LINGO2: variants seen among roughly 807,000 people sequenced by gnomAD.
The protein encoded by LINGO2 is leucine-rich repeat and immunoglobulin-like domain-containing nogo receptor-interacting protein 2.
Under a neutral mutation model 30.6 loss-of-function variants are expected in LINGO2, and 14 were observed. The observed-to-expected ratio is 0.46, with a 90% CI of 0.30 to 0.72. The LOEUF (loss-of-function observed/expected upper bound fraction) is 0.72. LINGO2 is among the 30% of genes least tolerant of loss of function. The probability of loss-of-function intolerance (pLI) is 0.07; values close to 1 mark genes in which losing one functional copy is unlikely to be tolerated. For missense variants in LINGO2, 729 were observed against 751.7 expected (o/e 0.97, Z 0.35); for synonymous variants, 317 against 288.5 (o/e 1.10, Z -1.00).
intron 4 of LINGO2, among the ~76,000 whole-genome samples, chr9:28,290,487 C>T (rs1823682943): frequency 6.6e-6 from 1 of 152,274 alleles, no homozygotes; most frequent in Non-Finnish European, 1.5e-5. Context: ...TCCTTCTGCT[C>T]GCTGCACAGA....
the LINGO2 span, among the ~76,000 whole-genome samples, chr9:29,155,101 TTTC>T: frequency 6.6e-6 from 1 of 152,178 alleles, no homozygotes; most frequent in African/African-American, 2.4e-5. Context: ...ACAATATTTT[TTTC>T]TTTTTATTAT....
At chr9:28,917,745 T>A in the LINGO2 span, among the ~76,000 whole-genome samples, 64 of 152,176 alleles carry the variant, frequency 4.2e-4, no homozygotes, top group African/African-American at 1.4e-3. Context: ...GTCATAGAGT[T>A]GAGTAAAGCA....
At chr9:28,927,498 G>A in the LINGO2 span, among the ~76,000 whole-genome samples, 1 of 152,138 alleles carries the variant, frequency 6.6e-6, no homozygotes, top group Non-Finnish European at 1.5e-5. Flanking sequence ...TTAAATAATT[G>A]AGATGGATGA....
intron 2 of LINGO2, among the ~76,000 whole-genome samples, chr9:28,434,359 A>C (rs1823826951): frequency 6.6e-6 from 1 of 151,478 alleles, no homozygotes. Context: ...GAAAAAAAAA[A>C]AAGAGAGAAG....
At chr9:28,470,553 T>C (rs1888814) in intron 2 of LINGO2, among the ~76,000 whole-genome samples, 99,633 of 152,008 alleles carry the variant, frequency 0.66, 33,294 homozygotes, top group South Asian at 0.74. Flanking sequence ...TCCTGGATCA[T>C]TTTCATGCCT....
chr9:28,331,090 CATA>C (rs1397239125), intron 3 of LINGO2, among the ~76,000 whole-genome samples: 4 of 151,672 alleles, frequency 2.6e-5, no homozygotes, highest in Non-Finnish European at 5.9e-5. Flanking sequence ...CTAATAATTT[CATA>C]ATAATTTTAA....
exon 6 of LINGO2, chr9:27,950,300 T>A: frequency 4.3e-6 from 7 of 1,614,152 alleles, no homozygotes; most frequent in Non-Finnish European, 5.9e-6. Flanking sequence ...GCCCCGTGAA[T>A]ACTCCCAAAG....
intron 4 of LINGO2, among the ~76,000 whole-genome samples, chr9:28,225,339 T>C (rs938646594): frequency 2.6e-5 from 4 of 152,196 alleles, no homozygotes; most frequent in Admixed American, 2.6e-4. Context: ...TAAGTCTGAA[T>C]ATTTAAAGAA....
At chr9:28,172,016 CAAAA>C (rs1197927884) in intron 4 of LINGO2, among the ~76,000 whole-genome samples, 5 of 44,034 alleles carry the variant, frequency 1.1e-4, no homozygotes, top group Admixed American at 8.2e-4. Context: ...GACTCCGTCT[CAAAA>C]AAAAAAAAAA....
At chr9:28,671,733 A>G (rs946883440), upstream of LINGO2, among the ~76,000 whole-genome samples, 14 of 151,982 alleles carry the variant, frequency 9.2e-5, no homozygotes, top group East Asian at 2.3e-3. Context: ...AGCCCATGTG[A>G]CACGCATTTC....
chr9:27,963,580 C>G (rs1819949544), intron 5 of LINGO2, among the ~76,000 whole-genome samples: 1 of 151,990 alleles, frequency 6.6e-6, no homozygotes, highest in African/African-American at 2.4e-5. Context: ...ATTTAGTTCT[C>G]TGACTGGCAA....
intron 2 of LINGO2, among the ~76,000 whole-genome samples, chr9:28,429,882 G>A (rs560449005): frequency 6.6e-6 from 1 of 152,282 alleles, no homozygotes; most frequent in East Asian, 1.9e-4. Context: ...GCCTAGGTAG[G>A]ATGTTATGAG....
chr9:28,832,787 C>T, the LINGO2 span, among the ~76,000 whole-genome samples: 1 of 152,148 alleles, frequency 6.6e-6, no homozygotes, highest in Non-Finnish European at 1.5e-5. Flanking sequence ...ACTCAGAGAA[C>T]TCTACATAGT....
intron 3 of LINGO2, among the ~76,000 whole-genome samples, chr9:28,355,653 T>C (rs1022423550): frequency 2.0e-5 from 3 of 152,158 alleles, no homozygotes; most frequent in Non-Finnish European, 2.9e-5. Flanking sequence ...TGTACTTCTC[T>C]GGAACTTGGT....
chr9:28,324,142 G>T (rs531978308), intron 3 of LINGO2, among the ~76,000 whole-genome samples: 2 of 152,262 alleles, frequency 1.3e-5, no homozygotes, highest in Admixed American at 1.3e-4. Flanking sequence ...CATGAAGCAA[G>T]CAAGTTTAGG....
chr9:28,981,990 T>C, the LINGO2 span, among the ~76,000 whole-genome samples: 5 of 152,098 alleles, frequency 3.3e-5, no homozygotes, highest in African/African-American at 4.8e-5. Context: ...AGCAGAGAAA[T>C]AGAAGTCTAG....
At chr9:29,187,133 T>C in the LINGO2 span, among the ~76,000 whole-genome samples, 1 of 152,142 alleles carries the variant, frequency 6.6e-6, no homozygotes, top group South Asian at 2.1e-4. Flanking sequence ...GGTCGAGTAC[T>C]CTCCCTGCTG....
At chr9:28,805,049 C>A in the LINGO2 span, among the ~76,000 whole-genome samples, 1 of 152,096 alleles carries the variant, frequency 6.6e-6, no homozygotes, top group African/African-American at 2.4e-5. Context: ...AAATCCTGAT[C>A]TGTCAACACT....
chr9:29,202,792 C>T, the LINGO2 span, among the ~76,000 whole-genome samples: 1 of 152,010 alleles, frequency 6.6e-6, no homozygotes, highest in African/African-American at 2.4e-5. Flanking sequence ...CTCTGTAAAA[C>T]CCACAGTAAG....
Sources: allele counts gnomAD v4.1 joint callset (sites outside exome capture counted in the v4.1 genomes callset), GRCh38; gene constraint gnomAD v4.1.1; transcripts MANE v1.5; gene names NCBI Gene and HGNC (gene_info 2026-07-23, HGNC 2026-07-21).